Variants in TMEM132C observed in about 807,000 individuals in gnomAD.
TMEM132C encodes the protein protein phosphatase 1, regulatory subunit 152.
TMEM132C carries 29 observed loss-of-function variants against 61.4 expected under a neutral mutation model. The ratio of observed to expected loss-of-function variants is 0.47; its 90% CI spans 0.35 to 0.64. The LOEUF (loss-of-function observed/expected upper bound fraction) is 0.64. TMEM132C is among the 30% of genes least tolerant of loss of function. TMEM132C has a pLI of 0.00. For missense variants in TMEM132C, 1,408 were observed against 1,476.9 expected, an observed-to-expected ratio of 0.95 and a Z score of 0.76; for synonymous variants, 656 against 633.1, an observed-to-expected ratio of 1.04 and a Z score of -0.54.
At position 128,612,889 on chromosome 12, in the gene TMEM132C, C is replaced by T. The variant is rs778219301; in HGVS notation, c.1122-3263C>T. 8.9e-4 allele frequency among the ~76,000 whole-genome samples: 135 copies of T among 152,214 alleles called. 1 individual carries two copies. Among genetic ancestry groups the T allele is most frequent in the Non-Finnish European group, 1.6e-3 (108 of 68,036 alleles). ...AGCAGAATTGCAGTGGAGGAGGCTGCTCCTGGAGCATGAGAAGTTGTGCTG... is the reference window on the plus strand; with the variant it reads ...AGCAGAATTGCAGTGGAGGAGGCTGTTCCTGGAGCATGAGAAGTTGTGCTG... On this transcript the variant is annotated intron_variant, in intron 3 of 8. Coordinates refer to ENST00000435159, the MANE Select transcript of TMEM132C (RefSeq NM_001136103.3).
At chr12:128,540,472 T>G (rs987327488) in intron 2 of TMEM132C, among the ~76,000 whole-genome samples, 1 of 152,204 alleles carries the variant, frequency 6.6e-6, no homozygotes, top group Non-Finnish European at 1.5e-5. Flanking sequence ...CAGGATAATC[T>G]CTATCTGCTG....
chr12:128,285,750 C>T (rs1349735947), intron 1 of TMEM132C, among the ~76,000 whole-genome samples: 4 of 74,406 alleles, frequency 5.4e-5, no homozygotes, highest in African/African-American at 6.9e-5. Context: ...CATCTCTATC[C>T]CTCTCTCCCT....
intron 1 of TMEM132C, among the ~76,000 whole-genome samples, chr12:128,339,677 T>TAA (rs35420656): frequency 0.14 from 18,920 of 135,764 alleles, 2,576 homozygotes; most frequent in African/African-American, 0.37. Context: ...ACACCAGTAC[T>TAA]AAAAAAAAAA....
At chr12:128,427,866 G>T (rs960362064) in intron 2 of TMEM132C, among the ~76,000 whole-genome samples, 4 of 152,200 alleles carry the variant, frequency 2.6e-5, no homozygotes, top group Non-Finnish European at 2.9e-5. Flanking sequence ...CTGCGGACAT[G>T]CTTTCTTGAT....
At position 128,415,180 on chromosome 12, in the gene TMEM132C, C is replaced by T; in HGVS notation, c.534C>T (p.Thr178=). The T allele has an allele frequency of 6.2e-7, 1 of 1,610,818 alleles. No homozygotes were observed. Among genetic ancestry groups the T allele is most frequent in the Non-Finnish European group, 8.5e-7 (1 of 1,178,518 alleles). ...PCLRVFAFRE[T]REVRGSCRLK... ...TGAGGGTCTTTGCTTTCCGAGAAACCAGAGAGGTGCGGGGCAGCTGCCGGC... is the reference window on the plus strand; with the variant it reads ...TGAGGGTCTTTGCTTTCCGAGAAACTAGAGAGGTGCGGGGCAGCTGCCGGC... Residue 178 remains threonine (T), a synonymous_variant, in exon 2 of 9, where the codon ACC becomes ACT. Coordinates refer to ENST00000435159, the MANE Select transcript of TMEM132C (RefSeq NM_001136103.3). This position sits in a 1 kb window ranked among gnomAD's most constrained non-coding sequence, Gnocchi z 5.8.
At chr12:128,589,203 A>G (rs1033575321) in intron 3 of TMEM132C, among the ~76,000 whole-genome samples, 23 of 152,312 alleles carry the variant, frequency 1.5e-4, no homozygotes, top group African/African-American at 5.5e-4. Context: ...CAGGACACGA[A>G]GGCAAGGCGC....
At chr12:128,561,858 C>CT (rs1874532648) in intron 3 of TMEM132C, among the ~76,000 whole-genome samples, 1 of 152,174 alleles carries the variant, frequency 6.6e-6, no homozygotes, top group Non-Finnish European at 1.5e-5. Flanking sequence ...AGCCCAGTCT[C>CT]TTTTCTCCTG....
At chr12:128,431,515 C>CTCTTGGAT (rs1869385381) in intron 2 of TMEM132C, among the ~76,000 whole-genome samples, 1 of 149,964 alleles carries the variant, frequency 6.7e-6, no homozygotes, top group Non-Finnish European at 1.5e-5. Context: ...AAATAGCTTC[C>CTCTTGGAT]TCTTGGATCT....
intron 3 of TMEM132C, among the ~76,000 whole-genome samples, chr12:128,578,262 T>G (rs75449395): frequency 0.042 from 6,376 of 152,268 alleles, 190 homozygotes; most frequent in Non-Finnish European, 0.062. Context: ...GCATTTGAAA[T>G]TAGAATATAG....
chr12:128,685,667 A>G (rs1454825403), intron 5 of TMEM132C, among the ~76,000 whole-genome samples: 3 of 152,146 alleles, frequency 2.0e-5, no homozygotes, highest in Non-Finnish European at 4.4e-5. Flanking sequence ...GAGGAAGTAG[A>G]CCCTGTCCAT....
At chr12:128,269,123 G>A (rs1289279390) in intron 1 of TMEM132C, among the ~76,000 whole-genome samples, 1 of 152,090 alleles carries the variant, frequency 6.6e-6, no homozygotes, top group Non-Finnish European at 1.5e-5. Context: ...ATGCAAAGTG[G>A]CCATTGAAGA....
chr12:128,267,837 C>G (rs1424726486), intron 1 of TMEM132C, among the ~76,000 whole-genome samples: 8 of 152,216 alleles, frequency 5.3e-5, no homozygotes, highest in Non-Finnish European at 2.9e-5. Flanking sequence ...CCAGCACAGT[C>G]ACCCTGTGGA....
chr12:128,624,633 T>C (rs1953998567), intron 4 of TMEM132C, among the ~76,000 whole-genome samples: 1 of 152,056 alleles, frequency 6.6e-6, no homozygotes, highest in South Asian at 2.1e-4. Flanking sequence ...AAACCTTTGC[T>C]TGGCACTTAG....
At chr12:128,560,500 A>T (rs1234907920) in intron 3 of TMEM132C, among the ~76,000 whole-genome samples, 1 of 152,150 alleles carries the variant, frequency 6.6e-6, no homozygotes, top group Non-Finnish European at 1.5e-5. Context: ...TCTTTGCATG[A>T]CCAGATTATT....
intron 1 of TMEM132C, among the ~76,000 whole-genome samples, chr12:128,327,088 C>G (rs774913904): frequency 4.7e-5 from 7 of 150,096 alleles, no homozygotes; most frequent in Non-Finnish European, 1.0e-4. Flanking sequence ...CATTTATTCA[C>G]TTAATCATTT....
intron 1 of TMEM132C, among the ~76,000 whole-genome samples, chr12:128,308,851 T>G (rs984615044): frequency 1.3e-5 from 2 of 152,206 alleles, no homozygotes; most frequent in African/African-American, 4.8e-5. Context: ...TCTTCTTTCC[T>G]GTGAACTAAT....
At chr12:128,335,917 G>T (rs1228318722) in intron 1 of TMEM132C, among the ~76,000 whole-genome samples, 2 of 152,162 alleles carry the variant, frequency 1.3e-5, no homozygotes, top group Non-Finnish European at 2.9e-5. Context: ...TATTTTGTTG[G>T]AAACACAGAG....
chr12:128,529,584 G>A (rs1873212037), intron 2 of TMEM132C, among the ~76,000 whole-genome samples: 1 of 152,166 alleles, frequency 6.6e-6, no homozygotes, highest in African/African-American at 2.4e-5. Context: ...AGGAGTTTGA[G>A]ACCAGCCTGA....
At chr12:128,281,372 G>A (rs1315647546) in intron 1 of TMEM132C, among the ~76,000 whole-genome samples, 1 of 152,156 alleles carries the variant, frequency 6.6e-6, no homozygotes, top group African/African-American at 2.4e-5. Context: ...CAAGATCAAG[G>A]CTTGGTGGTT....
Sources: allele counts gnomAD v4.1 joint callset (sites outside exome capture counted in the v4.1 genomes callset), GRCh38; gene constraint gnomAD v4.1.1; non-coding constraint Gnocchi (gnomAD v3.1); transcripts MANE v1.5; gene names NCBI Gene and HGNC (gene_info 2026-07-23, HGNC 2026-07-21).